TBKBP1: variants seen among roughly 807,000 people sequenced by gnomAD.
TBKBP1 encodes TBK1 binding protein 1.
Under a neutral mutation model 69.9 loss-of-function variants are expected in TBKBP1, and 47 were observed. The observed-to-expected ratio is 0.67, with a 90% CI of 0.53 to 0.86. TBKBP1 has a LOEUF of 0.86. TBKBP1 is among the 40% of genes least tolerant of loss of function. TBKBP1 has a pLI of 0.00. For missense variants in TBKBP1, 831 were observed against 858.6 expected, an observed-to-expected ratio of 0.97 and a Z score of 0.40; for synonymous variants, 418 against 390.3, an observed-to-expected ratio of 1.07 and a Z score of -0.84.
chr17:47,707,670 C>A (rs1295936497), intron 7 of TBKBP1, among the ~76,000 whole-genome samples: 1 of 152,152 alleles, frequency 6.6e-6, no homozygotes, highest in Non-Finnish European at 1.5e-5. Context: ...AGTGTTAAGG[C>A]CCTGGTGGAG....
chr17:47,706,808 C>T (rs1223648323), intron 7 of TBKBP1, among the ~76,000 whole-genome samples: 1 of 150,450 alleles, frequency 6.6e-6, no homozygotes, highest in Non-Finnish European at 1.5e-5. Flanking sequence ...TTCCCCTCCT[C>T]TCCTTTAGGG....
chr17:47,697,259 T>G, intron 4 of TBKBP1, 66 bp downstream of exon 4: 1 of 1,403,448 alleles, frequency 7.1e-7, no homozygotes, highest in South Asian at 1.2e-5. Flanking sequence ...ATGTGTGCAT[T>G]TAGTTCTGTG....
chr17:47,708,266 T>A lies in TBKBP1; in HGVS notation c.873-128T>A. ...GTAGGGAGGATTTCTGCAATTGGGG[T>A]AGGAGGGCCCTGCGGGTGGGAGGGA... is the stretch of plus-strand genomic sequence containing the variant. On this transcript the variant is annotated intron_variant, in intron 7 of 9. Transcript: ENST00000578982. The surrounding 1 kb of genome is among the most constrained non-coding windows in gnomAD (Gnocchi z 4.4). 1 of 916,018 alleles carries A rather than the reference T, an allele frequency of 1.1e-6. No individual in the cohort carries two copies. The highest frequency in any genetic ancestry group is 1.7e-6 in the Non-Finnish European group (1 of 597,838). The allele number at this position is 916,018 out of a possible 1,614,324, so 56.7% of individuals were successfully genotyped here. A position where few individuals can be genotyped will look rare whatever the true frequency, so the allele number is the denominator to read the frequency against.
Position 47,708,777 on chromosome 17 carries a change from C to T in TBKBP1, c.1044C>T (p.Pro348=). The T allele has an allele frequency of 3.0e-6, 3 of 996,896 alleles. No homozygotes were observed. The highest frequency in any genetic ancestry group is 1.6e-5 in the South Asian group (1 of 64,260). 61.8% of individuals were successfully genotyped at this position (996,896 alleles called of 1,614,324 possible). ...GCCACTCCCCGGCCCCCCAGTGCCC[C>T]TCCCCCTCCCCGCCTGCCCGAGCGG... ...SQRHSPAPQC[P]SPSPPARAAP... is the part of the protein sequence containing the mutation. The change falls in exon 9 of 10, where the codon CCC becomes CCT. Residue 348 remains proline (P), a synonymous_variant. Transcript: ENST00000578982. The surrounding 1 kb of genome is among the most constrained non-coding windows in gnomAD (Gnocchi z 4.4).
intron 4 of TBKBP1, among the ~76,000 whole-genome samples, chr17:47,698,001 C>T (rs1243011301): frequency 6.6e-6 from 1 of 151,012 alleles, no homozygotes; most frequent in East Asian, 2.0e-4. Context: ...TCAGCCAACC[C>T]TAAGCTATGA....
intron 2 of TBKBP1, 101 bp downstream of exon 2, chr17:47,696,438 C>A: frequency 1.5e-6 from 2 of 1,375,384 alleles, no homozygotes; most frequent in Non-Finnish European, 9.9e-7. Context: ...GGTCACTGTG[C>A]AGACTCTTGG....
chr17:47,697,067 G>T, intron 3 of TBKBP1, 22 bp from the exon 4 acceptor site: 1 of 1,596,300 alleles, frequency 6.3e-7, no homozygotes, highest in Non-Finnish European at 8.5e-7. Flanking sequence ...CCCTGTGGTG[G>T]GGCCCTCTGG....
rs1318040074 is a variant in TBKBP1, at chr17:47,698,894, C to T, written c.634+119C>T. The T allele has an allele frequency of 6.9e-6, 7 of 1,020,766 alleles. No individual in the cohort carries two copies. In the East Asian group the frequency reaches 2.0e-4, roughly 29 times the overall value. The allele number at this position is 1,020,766 out of a possible 1,614,324, so 63.2% of individuals were successfully genotyped here. A position where few individuals can be genotyped will look rare whatever the true frequency, so the allele number is the denominator to read the frequency against. On this transcript the variant is annotated intron_variant, in intron 5 of 9. Coordinates refer to ENST00000578982, the MANE Select transcript of TBKBP1 (RefSeq NM_001394755.1). ...ATATAATCTATTTCTCCATAATCAT[C>T]CCATCCTCCCTTACCTGCTGTCCCC...
At position 47,697,154 on chromosome 17, in the gene TBKBP1, C is replaced by T. The variant is rs758608914; in HGVS notation, c.414C>T (p.Cys138=). 73 of 1,612,918 alleles carry T rather than the reference C, an allele frequency of 4.5e-5. No individual in the cohort carries two copies. In the South Asian group the frequency reaches 7.0e-4, roughly 16 times the overall value. Residue 138 remains cysteine (C), a synonymous_variant, in exon 4 of 10, where the codon TGC becomes TGT. Transcript: ENST00000578982. The part of the protein sequence containing the change: ...GEMIQAYEKL[C]VEKSDLETEL... ...TGATCCAGGCCTACGAGAAACTCTGCGTGGAGAAGAGTGACTTGGAGACAG... is the reference window on the plus strand; with the variant it reads ...TGATCCAGGCCTACGAGAAACTCTGTGTGGAGAAGAGTGACTTGGAGACAG...
intron 7 of TBKBP1, among the ~76,000 whole-genome samples, chr17:47,703,369 G>A (rs1408217580): frequency 2.0e-5 from 3 of 152,210 alleles, no homozygotes; most frequent in Non-Finnish European, 4.4e-5. Flanking sequence ...CCTGAGCGTA[G>A]CCTCATGCCC....
rs768741678 is a variant in TBKBP1 at position 47,696,257 on chromosome 17, G to A, written c.145G>A (p.Gly49Arg). ...CCACTTTGCCCTCATCACTGCTTACGGAGACATCAAGGAACGGCTGGGGGG... is the reference window on the plus strand; with the variant it reads ...CCACTTTGCCCTCATCACTGCTTACAGAGACATCAAGGAACGGCTGGGGGG... ...ASHFALITAY[G>R]DIKERLGGLE... Residue 49 changes from glycine (G) to arginine (R), a missense_variant, in exon 2 of 10, where the codon GGA (glycine) becomes AGA (arginine). Coordinates refer to ENST00000578982, the MANE Select transcript of TBKBP1 (RefSeq NM_001394755.1). 67 of 1,613,596 alleles carry A rather than the reference G, an allele frequency of 4.2e-5. No homozygotes were observed. In the South Asian group the frequency reaches 6.0e-4, roughly 15 times the overall value.
Position 47,698,613 on chromosome 17 carries a change from C to CA in TBKBP1, c.473dup (p.His158GlnfsTer38). The CA allele has an allele frequency of 6.3e-7, 1 of 1,595,400 alleles. No homozygotes were observed. Among genetic ancestry groups the CA allele is most frequent in the South Asian group, 1.1e-5 (1 of 87,980 alleles). On this transcript the variant is annotated frameshift_variant, in exon 5 of 10. Transcript: ENST00000578982. LOFTEE classifies it high-confidence loss of function. ...TCTCCAGAGGGCCCTGGTGGAGACG[C>CA]ACCTGCGTCAGATCTGTGGTTTGGA...
intron 3 of TBKBP1, 33 bp from the exon 4 acceptor site, chr17:47,697,056 A>G: frequency 6.3e-7 from 1 of 1,587,762 alleles, no homozygotes; most frequent in Non-Finnish European, 8.6e-7. Flanking sequence ...TGTGGGACTG[A>G]CCCTGTGGTG....
chr17:47,708,663 CCA>C lies in TBKBP1; in HGVS notation c.992-61_992-60del, dbSNP rs1294293984. The C allele has an allele frequency of 1.9e-5, 28 of 1,456,444 alleles. No homozygotes were observed. The highest frequency in any genetic ancestry group is 2.6e-5 in the Non-Finnish European group (28 of 1,095,192). The allele number at this position is 1,456,444 out of a possible 1,614,324, so 90.2% of individuals were successfully genotyped here. A position where few individuals can be genotyped will look rare whatever the true frequency, so the allele number is the denominator to read the frequency against. ...TGGGTCCGGGCAAGCCCCTGGCGCT[CCA>C]GTTCTGAGGTCTTCTCTCTGCACCT... On this transcript the variant is annotated intron_variant, in intron 8 of 9. Coordinates refer to ENST00000578982, the MANE Select transcript of TBKBP1 (RefSeq NM_001394755.1). The surrounding 1 kb of genome is among the most constrained non-coding windows in gnomAD (Gnocchi z 4.4).
rs76039845 is a variant in TBKBP1 at position 47,699,275 on chromosome 17, G to A, written c.635-45G>A. On this transcript the variant is annotated intron_variant, in intron 5 of 9. Coordinates refer to ENST00000578982, the MANE Select transcript of TBKBP1 (RefSeq NM_001394755.1). ...TGTTTCACTCTGGCTCTGGGAGCTG[G>A]AGGAGGCAGCTGAGCTCGCCTGACG... The A allele has an allele frequency of 4.8e-4, 710 of 1,466,728 alleles. 3 individuals carry two copies. The African/African-American group carries it at 8.8e-3, about 18-fold the overall frequency. The allele number at this position is 1,466,728 out of a possible 1,614,324, so 90.9% of individuals were successfully genotyped here.
Position 47,708,834 on chromosome 17 carries a change from C to A in TBKBP1, c.1101C>A (p.Val367=). ...CGTGCCCCCCGTGCCAGTCCCCCGTCCCCCAGCGCCGCTCTCCCGTGCCCC... is the reference window on the plus strand; with the variant it reads ...CGTGCCCCCCGTGCCAGTCCCCCGTACCCCAGCGCCGCTCTCCCGTGCCCC... ...APPCPPCQSP[V]PQRRSPVPPC... Residue 367 remains valine, a synonymous_variant, in exon 9 of 10, where the codon GTC becomes GTA. Transcript: ENST00000578982. The surrounding 1 kb of genome is among the most constrained non-coding windows in gnomAD (Gnocchi z 4.4). 7.2e-7 allele frequency: 1 copy of A among 1,387,358 alleles called. No individual in the cohort carries two copies. The highest frequency in any genetic ancestry group is 9.4e-7 in the Non-Finnish European group (1 of 1,059,454). 85.9% of individuals were successfully genotyped at this position (1,387,358 alleles called of 1,614,324 possible).
In TBKBP1 at chr17:47,696,091, G is replaced by C; in HGVS notation, c.-22G>C. 6.3e-7 allele frequency: 1 copy of C among 1,588,158 alleles called. No individual in the cohort carries two copies. Among genetic ancestry groups the C allele is most frequent in the Non-Finnish European group, 8.6e-7 (1 of 1,168,040 alleles). ...CCTGCTCTCCTAGGAGGCCCCGTGT[G>C]GGCCGCGGCCCGGCCCTCACCATGG... On this transcript the variant is annotated 5_prime_UTR_variant, in exon 2 of 10. Coordinates refer to ENST00000578982, the MANE Select transcript of TBKBP1 (RefSeq NM_001394755.1).
chr17:47,698,774 T>G lies in TBKBP1; in HGVS notation c.633T>G (p.His211Gln), dbSNP rs369555505. The G allele has an allele frequency of 6.4e-7, 1 of 1,553,084 alleles. No homozygotes were observed. Among genetic ancestry groups the G allele is most frequent in the African/African-American group, 1.4e-5 (1 of 73,232 alleles). ...LALRGGSGLS[H>Q]AGWPGSTPSV... ...TGAGAGGGGGATCTGGCTTGAGTCA[T>G]GGTGAGATCTCAGTGACCCCGACTT... Residue 211 changes from histidine to glutamine, a missense_variant and splice_region_variant, in exon 5 of 10, where the codon CAT becomes CAG. By Grantham distance (24) the His-to-Gln change is conservative. Transcript: ENST00000578982.
chr17:47,697,530 G>A (rs180906709), intron 4 of TBKBP1, among the ~76,000 whole-genome samples: 52 of 152,266 alleles, frequency 3.4e-4, no homozygotes, highest in Middle Eastern at 3.4e-3. Flanking sequence ...CTCACGCTGG[G>A]GTGACCCTGT....
Sources: gnomAD v4.1 joint callset for allele counts (sites outside exome capture counted in the v4.1 genomes callset) on GRCh38, gnomAD v4.1.1 for gene constraint, Gnocchi (gnomAD v3.1) non-coding constraint, MANE v1.5 for transcripts, NCBI Gene and HGNC (gene_info 2026-07-23, HGNC 2026-07-21) for gene names.